The following UBE4B variants were observed in gnomAD, a reference collection of about 807,000 sequenced individuals.
UBE4B encodes ubiquitin conjugation factor E4 B.
A neutral mutation model predicts 148.1 loss-of-function variants in UBE4B; 27 were observed. That is an observed-to-expected ratio of 0.18 (90% CI 0.13 to 0.25). UBE4B has a LOEUF of 0.25. UBE4B is among the 10% of genes least tolerant of loss of function. The pLI is 1.00. For missense variants in UBE4B, 1,170 were observed against 1,662.4 expected (o/e 0.70, Z 5.15); for synonymous variants, 596 against 619.3 (o/e 0.96, Z 0.56).
At chr1:10,057,740 A>C (rs1180030350) in intron 1 of UBE4B, among the ~76,000 whole-genome samples, 2 of 151,914 alleles carry the variant, frequency 1.3e-5, no homozygotes, top group Non-Finnish European at 2.9e-5. Flanking sequence ...ACAGAAAAAA[A>C]AAAAAAAGAA....
chr1:10,107,288 TGAA>T (rs753934925), intron 7 of UBE4B: 52 of 1,289,582 alleles, frequency 4.0e-5, no homozygotes, highest in South Asian at 3.6e-4. Flanking sequence ...ATGAAGAAGA[TGAA>T]GAAGAAGATG....
At chr1:10,068,100 C>T (rs1313030084) in intron 1 of UBE4B, among the ~76,000 whole-genome samples, 2 of 149,892 alleles carry the variant, frequency 1.3e-5, no homozygotes, top group Non-Finnish European at 3.0e-5. Context: ...ACAATCTTGG[C>T]TCACTGCAAC....
rs1026231075 is a variant in UBE4B, at chr1:10,135,241, C to T, written c.2224+55C>T. On this transcript the variant is annotated intron_variant, in intron 16 of 27. Transcript: ENST00000343090. ...AAAACACTGCCCTCTTGTCTGTGTG[C>T]TAGTAGTTCCTCACAGATTGTTACC... 6 of 1,480,860 alleles carry T rather than the reference C, an allele frequency of 4.1e-6. No individual in the cohort carries two copies. In the South Asian group the frequency reaches 4.7e-5, roughly 12 times the overall value. 91.7% of individuals were successfully genotyped at this position (1,480,860 alleles called of 1,614,324 possible). A position where few individuals can be genotyped will look rare whatever the true frequency, so the allele number is the denominator to read the frequency against.
chr1:10,053,670 A>C (rs1240225538), intron 1 of UBE4B, among the ~76,000 whole-genome samples: 1 of 151,618 alleles, frequency 6.6e-6, no homozygotes, highest in Non-Finnish European at 1.5e-5. Flanking sequence ...TACCCGCTGC[A>C]TGGCTGATTT....
chr1:10,113,715 G>T (rs527831944), intron 7 of UBE4B, among the ~76,000 whole-genome samples: 150 of 152,224 alleles, frequency 9.9e-4, no homozygotes, highest in African/African-American at 3.5e-3. Context: ...ATGCTGGCTG[G>T]GGGTGCTGCA....
At chr1:10,105,456 G>A in intron 5 of UBE4B, 60 bp from the exon 6 acceptor site, 2 of 1,487,306 alleles carry the variant, frequency 1.3e-6, no homozygotes, top group South Asian at 2.3e-5. Context: ...CTTATTCAAG[G>A]GCTGTGTAAC....
chr1:10,067,620 CTTT>C (rs745988061), intron 1 of UBE4B, among the ~76,000 whole-genome samples: 1 of 143,554 alleles, frequency 7.0e-6, no homozygotes, highest in African/African-American at 2.5e-5. Flanking sequence ...ATTAGATACA[CTTT>C]TTTTTTTTTT....
At chr1:10,095,097 CT>C (rs1644910261) in intron 2 of UBE4B, among the ~76,000 whole-genome samples, 1 of 152,060 alleles carries the variant, frequency 6.6e-6, no homozygotes, top group Admixed American at 6.6e-5. Context: ...AATATATCTT[CT>C]TTTGGGCGCA....
At chr1:10,089,866 AT>A (rs999026515) in intron 2 of UBE4B, among the ~76,000 whole-genome samples, 3 of 150,650 alleles carry the variant, frequency 2.0e-5, no homozygotes, top group Admixed American at 6.6e-5. Context: ...TGTCTGGCTA[AT>A]TTTTTTTTGT....
intron 14 of UBE4B, 134 bp downstream of exon 14, chr1:10,130,947 A>T: frequency 1.4e-6 from 1 of 726,330 alleles, no homozygotes; most frequent in Non-Finnish European, 2.3e-6. Context: ...CATAAAAAAG[A>T]TAAACTATAA....
chr1:10,055,451 A>T (rs1332177625), intron 1 of UBE4B, among the ~76,000 whole-genome samples: 1 of 152,022 alleles, frequency 6.6e-6, no homozygotes, highest in African/African-American at 2.4e-5. Flanking sequence ...AGTAGCTAGG[A>T]CTACAGGCGT....
intron 3 of UBE4B, among the ~76,000 whole-genome samples, chr1:10,098,492 A>G (rs978724059): frequency 2.0e-5 from 3 of 152,180 alleles, no homozygotes; most frequent in African/African-American, 4.8e-5. Context: ...GCCAATGACT[A>G]GTTCTGTCCT....
At chr1:10,152,408 A>G (rs568484168) in intron 21 of UBE4B, among the ~76,000 whole-genome samples, 1 of 152,206 alleles carries the variant, frequency 6.6e-6, no homozygotes, top group South Asian at 2.1e-4. Flanking sequence ...CCCTATAGCC[A>G]GTGTGCAGAT....
At chr1:10,169,177 A>G (rs1045636211) in intron 24 of UBE4B, among the ~76,000 whole-genome samples, 1 of 152,188 alleles carries the variant, frequency 6.6e-6, no homozygotes, top group East Asian at 1.9e-4. Context: ...AGCCACCCCC[A>G]CCACAAAGTT....
chr1:10,147,479 C>T (rs558315721), intron 19 of UBE4B, among the ~76,000 whole-genome samples: 61 of 152,000 alleles, frequency 4.0e-4, no homozygotes, highest in Non-Finnish European at 7.8e-4. Flanking sequence ...GGCGACAGAG[C>T]GAGACTCTGT....
chr1:10,086,260 T>C (rs1644765732), intron 2 of UBE4B, among the ~76,000 whole-genome samples: 1 of 152,076 alleles, frequency 6.6e-6, no homozygotes, highest in African/African-American at 2.4e-5. Context: ...CATGAGCCAC[T>C]GCGCCTGGCC....
intron 17 of UBE4B, among the ~76,000 whole-genome samples, chr1:10,141,561 C>T (rs1645782560): frequency 6.6e-6 from 1 of 152,138 alleles, no homozygotes; most frequent in Admixed American, 6.6e-5. Context: ...CTTGTTACAG[C>T]AGCAATAGAA....
chr1:10,138,033 C>T, intron 17 of UBE4B, among the ~76,000 whole-genome samples: 1 of 130,616 alleles, frequency 7.7e-6, no homozygotes, highest in South Asian at 2.7e-4. Context: ...CTCCCAGGTT[C>T]AAGCGATTCT....
In UBE4B at chr1:10,180,818, A is replaced by G. The variant is rs573763512; in HGVS notation, c.*862A>G. On this transcript the variant is annotated 3_prime_UTR_variant, in exon 28 of 28. Transcript: ENST00000343090. ...AGGGTTGGGTTTTTTTTTTAATGCT[A>G]CGTGACAGTTTGAAACCTTCACAGT... 1.9e-4 allele frequency: 29 copies of G among 152,236 alleles called. No individual in the cohort carries two copies. Among genetic ancestry groups the G allele is most frequent in the African/African-American group, 6.8e-4 (28 of 41,398 alleles). The allele number at this position is 152,236 out of a possible 1,614,324, so 9.4% of individuals were successfully genotyped here. A position where few individuals can be genotyped will look rare whatever the true frequency, so the allele number is the denominator to read the frequency against.
Sources: gnomAD v4.1 joint callset for allele counts (sites outside exome capture counted in the v4.1 genomes callset) on GRCh38, gnomAD v4.1.1 for gene constraint, MANE v1.5 for transcripts, NCBI Gene and HGNC (gene_info 2026-07-23, HGNC 2026-07-21) for gene names.